CSMD1: variants seen among roughly 807,000 people sequenced by gnomAD.
CSMD1 encodes the protein CUB and sushi domain-containing protein 1.
Under a neutral mutation model 417.5 loss-of-function variants are expected in CSMD1, and 213 were observed. The observed-to-expected ratio is 0.51, with a 90% confidence interval of 0.46 to 0.57. The LOEUF (loss-of-function observed/expected upper bound fraction) is 0.57. Ranked by LOEUF, CSMD1 falls within the 20% of genes least tolerant of loss-of-function variation. The probability of loss-of-function intolerance (pLI) is 0.00; values close to 1 mark genes in which losing one functional copy is unlikely to be tolerated. For synonymous variants in CSMD1, 2,862 were observed against 1,736.8 expected (o/e 1.65, Z -16.11); for missense variants, 6,923 against 4,529.7 (o/e 1.53, Z -15.17).
At chr8:3,355,774 T>G (rs1376579202) in intron 21 of CSMD1, among the ~76,000 whole-genome samples, 4 of 152,158 alleles carry the variant, frequency 2.6e-5, no homozygotes, top group African/African-American at 9.7e-5. Context: ...TACATCACCT[T>G]ACCAATAAAC....
intron 10 of CSMD1, among the ~76,000 whole-genome samples, chr8:3,524,652 C>G (rs1036508555): frequency 6.6e-6 from 1 of 151,028 alleles, no homozygotes; most frequent in Non-Finnish European, 1.5e-5. Context: ...TGTGCACACA[C>G]ACAGACCCAT....
chr8:3,559,453 T>A (rs928948693), intron 10 of CSMD1, among the ~76,000 whole-genome samples: 1 of 152,174 alleles, frequency 6.6e-6, no homozygotes, highest in African/African-American at 2.4e-5. Flanking sequence ...CCAAGCAACC[T>A]GTAAATGTGT....
At chr8:4,584,234 C>A (rs888975761) in intron 2 of CSMD1, among the ~76,000 whole-genome samples, 2 of 151,988 alleles carry the variant, frequency 1.3e-5, no homozygotes, top group Non-Finnish European at 2.9e-5. Context: ...CCACCAATTC[C>A]GGACACATTT....
chr8:3,425,610 A>T (rs945459848), intron 12 of CSMD1, among the ~76,000 whole-genome samples: 1 of 151,226 alleles, frequency 6.6e-6, no homozygotes, highest in African/African-American at 2.4e-5. Context: ...AAAAAGAAGA[A>T]AGAAAAAAGG....
intron 5 of CSMD1, among the ~76,000 whole-genome samples, chr8:3,834,336 T>A (rs576991078): frequency 1.3e-5 from 2 of 152,236 alleles, no homozygotes; most frequent in Admixed American, 1.3e-4. Flanking sequence ...ACTCACTGCT[T>A]ATAGGTAAGG....
chr8:3,881,438 C>T (rs1480391692), intron 5 of CSMD1, among the ~76,000 whole-genome samples: 1 of 151,286 alleles, frequency 6.6e-6, no homozygotes, highest in African/African-American at 2.4e-5. Context: ...GTTCAAAGAC[C>T]AGCCTGGTCA....
chr8:3,984,301 C>A (rs564876853), intron 5 of CSMD1, among the ~76,000 whole-genome samples: 1 of 152,198 alleles, frequency 6.6e-6, no homozygotes, highest in African/African-American at 2.4e-5. Flanking sequence ...CACACATGCA[C>A]AGAGTTTACT....
At chr8:4,910,495 G>T (rs908749673) in intron 1 of CSMD1, among the ~76,000 whole-genome samples, 1 of 152,178 alleles carries the variant, frequency 6.6e-6, no homozygotes, top group Non-Finnish European at 1.5e-5. Flanking sequence ...TTTCTAGAAG[G>T]CACCTTCCCG....
rs190467559 is a variant in CSMD1, at chr8:3,291,036, G to T, written c.3951-6690C>A. ...TTTTTTGAGAGTTTTTAGCATGAAG[G>T]GTTGTTGAATTTTGTCAAAGGCCTT... On this transcript the variant is annotated intron_variant, in intron 25 of 69. Coordinates refer to ENST00000635120, the MANE Select transcript of CSMD1 (RefSeq NM_033225.6). Among the ~76,000 whole-genome samples, 37 of 152,112 alleles carry T rather than the reference G, an allele frequency of 2.4e-4. 1 individual carries two copies. The East Asian group carries it at 4.5e-3, about 18-fold the overall frequency.
chr8:3,288,827 T>C (rs1220535703), intron 25 of CSMD1, among the ~76,000 whole-genome samples: 7 of 147,378 alleles, frequency 4.7e-5, no homozygotes, highest in Non-Finnish European at 2.9e-5. Flanking sequence ...ATTTCTTTTA[T>C]TTTATTTTAT....
At chr8:4,914,028 A>G (rs561207869) in intron 1 of CSMD1, among the ~76,000 whole-genome samples, 2 of 152,350 alleles carry the variant, frequency 1.3e-5, no homozygotes, top group Non-Finnish European at 2.9e-5. Flanking sequence ...GCAGTTTCTT[A>G]AAGACATTTC....
In CSMD1 at chr8:4,377,389, A is replaced by G. The variant is rs115775268; in HGVS notation, c.415+42564T>C. Among the ~76,000 whole-genome samples the G allele has an allele frequency of 7.3e-3, 1,106 of 152,284 alleles. 9 individuals carry two copies. Among genetic ancestry groups the G allele is most frequent in the African/African-American group, 0.025 (1,032 of 41,552 alleles). On this transcript the variant is annotated intron_variant, in intron 3 of 69. Coordinates refer to ENST00000635120, the MANE Select transcript of CSMD1 (RefSeq NM_033225.6). ...TTTGCTTCCTTTTCTTTTAGTCGTT[A>G]TATCTAAACTACTTAAATCTATTCA...
chr8:3,654,541 T>C (rs1260841018), intron 7 of CSMD1, among the ~76,000 whole-genome samples: 1 of 152,068 alleles, frequency 6.6e-6, no homozygotes, highest in Non-Finnish European at 1.5e-5. Flanking sequence ...AATAAGAAAT[T>C]GTCATGATTA....
chr8:4,831,518 A>AT (rs145070437), intron 1 of CSMD1, among the ~76,000 whole-genome samples: 35 of 151,426 alleles, frequency 2.3e-4, no homozygotes, highest in South Asian at 1.9e-3. Context: ...CATGGTACAT[A>AT]TTTTTTTTTA....
chr8:4,066,756 A>C (rs1345228200), intron 3 of CSMD1, among the ~76,000 whole-genome samples: 2 of 152,154 alleles, frequency 1.3e-5, no homozygotes, highest in African/African-American at 2.4e-5. Context: ...TCCAAACCAC[A>C]AGCAAATACG....
chr8:3,263,259 T>A (rs901547220), intron 26 of CSMD1, among the ~76,000 whole-genome samples: 1 of 152,136 alleles, frequency 6.6e-6, no homozygotes, highest in East Asian at 1.9e-4. Flanking sequence ...CCACCACATC[T>A]GGCTAATTTT....
intron 6 of CSMD1, among the ~76,000 whole-genome samples, chr8:3,720,934 G>A (rs1193916903): frequency 6.6e-6 from 1 of 152,150 alleles, no homozygotes; most frequent in Non-Finnish European, 1.5e-5. Context: ...TCCTGCCTCA[G>A]CCTCCCAACT....
intron 8 of CSMD1, among the ~76,000 whole-genome samples, chr8:3,610,341 T>C (rs940806177): frequency 1.3e-5 from 2 of 152,182 alleles, no homozygotes; most frequent in East Asian, 3.9e-4. Flanking sequence ...GAAACCAGCC[T>C]AGGCAACACA....
intron 5 of CSMD1, among the ~76,000 whole-genome samples, chr8:3,879,525 C>T (rs1216221559): frequency 6.6e-6 from 1 of 152,150 alleles, no homozygotes; most frequent in African/African-American, 2.4e-5. Flanking sequence ...GAAGATGTAG[C>T]TCCTCCCCCG....
Sources: allele counts gnomAD v4.1 joint callset (sites outside exome capture counted in the v4.1 genomes callset), GRCh38; gene constraint gnomAD v4.1.1; transcripts MANE v1.5; gene names NCBI Gene and HGNC (gene_info 2026-07-23, HGNC 2026-07-21).